Variants in PRKN observed in about 807,000 individuals in gnomAD.
PRKN encodes the protein E3 ubiquitin-protein ligase parkin.
A neutral mutation model predicts 59.5 loss-of-function variants in PRKN; 56 were observed. That is an observed-to-expected ratio of 0.94 (90% confidence interval 0.76 to 1.18). The LOEUF (loss-of-function observed/expected upper bound fraction) is 1.18. Ranked by LOEUF, PRKN falls within the 50% of genes most tolerant of loss-of-function variation. The pLI is 0.00. For missense variants in PRKN, 657 were observed against 596.4 expected (o/e 1.10, Z -1.06); for synonymous variants, 250 against 222.1 (o/e 1.13, Z -1.12).
At chr6:161,898,852 G>A (rs1426077907) in intron 6 of PRKN, among the ~76,000 whole-genome samples, 1 of 152,192 alleles carries the variant, frequency 6.6e-6, no homozygotes. Flanking sequence ...TACGCTTGTG[G>A]CTTCTTCGTA....
chr6:161,811,694 G>A (rs555283209), intron 6 of PRKN, among the ~76,000 whole-genome samples: 14 of 152,192 alleles, frequency 9.2e-5, no homozygotes, highest in African/African-American at 2.4e-4. Flanking sequence ...AGGCCGAGGC[G>A]GGTGGATCAC....
Position 161,503,336 on chromosome 6 carries a change from T to C in PRKN, c.1083+45518A>G, listed in dbSNP as rs758550042. On this transcript the variant is annotated intron_variant, in intron 9 of 11. Transcript: ENST00000366898. This position sits in a 1 kb window ranked among gnomAD's most constrained non-coding sequence, Gnocchi z 5.1. ...AGTCATAAAAAAGTCTTTTATACAA[T>C]AGCCAAGACTCATGAACTTCTGTTT... is the stretch of plus-strand genomic sequence containing the variant. Among the ~76,000 whole-genome samples, 32 of 152,176 alleles carry C rather than the reference T, an allele frequency of 2.1e-4. No homozygotes were observed. Among genetic ancestry groups the C allele is most frequent in the Middle Eastern group, 3.2e-3 (1 of 316 alleles).
intron 1 of PRKN, among the ~76,000 whole-genome samples, chr6:162,610,475 C>T (rs905545418): frequency 6.6e-6 from 1 of 152,204 alleles, no homozygotes; most frequent in Admixed American, 6.5e-5. Context: ...CGATTCCTCA[C>T]CAGGCTCACA....
intron 7 of PRKN, among the ~76,000 whole-genome samples, chr6:161,748,636 T>G (rs1266353905): frequency 1.2e-4 from 19 of 152,220 alleles, no homozygotes. Flanking sequence ...GGGGCACTTG[T>G]CGGGTCACTG....
chr6:161,511,130 G>A (rs1026316105), intron 9 of PRKN, among the ~76,000 whole-genome samples: 3 of 152,098 alleles, frequency 2.0e-5, no homozygotes, highest in Admixed American at 6.5e-5. Context: ...CAATGACATC[G>A]TTTACTAGGA....
At position 161,377,926 on chromosome 6, in the gene PRKN, G is replaced by C. The variant is rs898630848; in HGVS notation, c.1167+8868C>G. Among the ~76,000 whole-genome samples, 2 of 152,140 alleles carry C rather than the reference G, an allele frequency of 1.3e-5. No individual in the cohort carries two copies. The highest frequency in any genetic ancestry group is 4.1e-4 in the South Asian group (2 of 4,826). On this transcript the variant is annotated intron_variant, in intron 10 of 11. Transcript: ENST00000366898. The surrounding 1 kb of genome is among the most constrained non-coding windows in gnomAD (Gnocchi z 4.2). ...GAACTGGAAGGAATAAATGTGTGTT[G>C]TTTATAAGCCAGCCAGTCTACGGTA... is the stretch of plus-strand genomic sequence containing the variant.
intron 6 of PRKN, among the ~76,000 whole-genome samples, chr6:161,927,786 A>AT (rs889257583): frequency 1.3e-4 from 19 of 151,728 alleles, no homozygotes; most frequent in South Asian, 6.2e-4. Flanking sequence ...AAAAAAAAAA[A>AT]ACTTTACAAA....
intron 1 of PRKN, among the ~76,000 whole-genome samples, chr6:162,547,528 A>T (rs1379105627): frequency 1.3e-5 from 2 of 152,146 alleles, no homozygotes; most frequent in Non-Finnish European, 2.9e-5. Context: ...TAGAGGAGAT[A>T]AATGAAGCCC....
At chr6:162,238,656 C>A (rs1177149524) in intron 3 of PRKN, among the ~76,000 whole-genome samples, 2 of 152,164 alleles carry the variant, frequency 1.3e-5, no homozygotes, top group Non-Finnish European at 2.9e-5. Flanking sequence ...ACCTGGCTGA[C>A]CCCAAAGTTC....
chr6:161,394,108 GAC>G (rs1461602561), intron 9 of PRKN, among the ~76,000 whole-genome samples: 1 of 152,198 alleles, frequency 6.6e-6, no homozygotes, highest in Non-Finnish European at 1.5e-5. Flanking sequence ...GTTCTGACAA[GAC>G]AGTGCCACAG....
At chr6:162,257,742 G>A (rs1355886999) in intron 3 of PRKN, among the ~76,000 whole-genome samples, 1 of 152,184 alleles carries the variant, frequency 6.6e-6, no homozygotes, top group South Asian at 2.1e-4. Flanking sequence ...TGGCCCGTTC[G>A]CGATGTTCTG....
chr6:162,562,384 A>G (rs1485133148), intron 1 of PRKN, among the ~76,000 whole-genome samples: 1 of 152,092 alleles, frequency 6.6e-6, no homozygotes, highest in East Asian at 1.9e-4. Flanking sequence ...CAAAATGCCA[A>G]GTGTGCTCTT....
chr6:162,601,779 A>T (rs1781723209), intron 1 of PRKN, among the ~76,000 whole-genome samples: 1 of 152,214 alleles, frequency 6.6e-6, no homozygotes, highest in Admixed American at 6.5e-5. Flanking sequence ...AAATATTAAT[A>T]AGACACCCCT....
chr6:162,319,585 G>A (rs1419798865), intron 2 of PRKN, among the ~76,000 whole-genome samples: 1 of 151,976 alleles, frequency 6.6e-6, no homozygotes, highest in South Asian at 2.1e-4. Flanking sequence ...CACAATACAA[G>A]TGCGTAACAT....
chr6:162,234,306 A>C (rs1778550384), intron 3 of PRKN, among the ~76,000 whole-genome samples: 1 of 152,208 alleles, frequency 6.6e-6, no homozygotes, highest in Admixed American at 6.5e-5. Context: ...GCCAGGCCCC[A>C]GTGAGCTGGC....
At chr6:162,208,288 A>G (rs1785045536) in intron 3 of PRKN, among the ~76,000 whole-genome samples, 1 of 152,206 alleles carries the variant, frequency 6.6e-6, no homozygotes, top group South Asian at 2.1e-4. Flanking sequence ...AGGTTATGCT[A>G]TATTGTAAAC....
rs138357820 is a variant in PRKN, at chr6:161,461,709, G to A, written c.1084-74832C>T. On this transcript the variant is annotated intron_variant, in intron 9 of 11. Transcript: ENST00000366898. The surrounding 1 kb of genome is among the most constrained non-coding windows in gnomAD (Gnocchi z 5.1). ...ACAGGACAGGGTTGCATGTGGGTGA[G>A]GGAAGAGGTGGAAAAATGAGCTCAA... 1.6e-4 allele frequency among the ~76,000 whole-genome samples: 25 copies of A among 152,260 alleles called. No homozygotes were observed. The highest frequency in any genetic ancestry group is 2.9e-4 in the Non-Finnish European group (20 of 68,006).
At chr6:162,230,814 G>A (rs1778390105) in intron 3 of PRKN, among the ~76,000 whole-genome samples, 1 of 152,184 alleles carries the variant, frequency 6.6e-6, no homozygotes, top group Non-Finnish European at 1.5e-5. Flanking sequence ...TGAAGAGAAG[G>A]TATCCATGGC....
intron 5 of PRKN, among the ~76,000 whole-genome samples, chr6:161,992,963 A>T (rs1050459759): frequency 2.0e-5 from 3 of 152,172 alleles, no homozygotes; most frequent in Non-Finnish European, 4.4e-5. Context: ...AAGTACTGCT[A>T]AGAGAAAAGT....
Sources: allele counts gnomAD v4.1 joint callset (sites outside exome capture counted in the v4.1 genomes callset), GRCh38; gene constraint gnomAD v4.1.1; non-coding constraint Gnocchi (gnomAD v3.1); transcripts MANE v1.5; gene names NCBI Gene and HGNC (gene_info 2026-07-23, HGNC 2026-07-21).